Variants in ZNF407 observed in about 807,000 individuals in gnomAD.
The protein encoded by ZNF407 is zinc finger protein 407.
ZNF407 carries 17 observed loss-of-function variants against 131.2 expected under a neutral mutation model. The observed-to-expected ratio is 0.13, with a 90% CI of 0.09 to 0.19. The LOEUF is 0.19. ZNF407 is among the 10% of genes least tolerant of loss of function. The probability of loss-of-function intolerance (pLI) is 1.00; values close to 1 mark genes in which losing one functional copy is unlikely to be tolerated. For synonymous variants in ZNF407, 1,156 were observed against 1,062.0 expected (o/e 1.09, Z -1.72); for missense variants, 2,681 against 2,830.6 (o/e 0.95, Z 1.20).
rs768847467 is a variant in ZNF407 at position 74,635,671 on chromosome 18, C to T, written c.4652C>T (p.Ser1551Leu). ...GGGAAGATGTGTCGAAGCAGCAACT[C>T]GATGGCCTTCCTGGCACACATTCGC... The part of the protein sequence containing the change: ...YCGKMCRSSN[S>L]MAFLAHIRTH... Residue 1551 changes from serine to leucine, a missense_variant, in exon 2 of 9, where the codon TCG (serine) becomes TTG (leucine). Ser to Leu is a moderately radical substitution (Grantham distance 145, BLOSUM62 -2). Coordinates refer to ENST00000299687, the MANE Select transcript of ZNF407 (RefSeq NM_017757.3). This position sits in a 1 kb window ranked among gnomAD's most constrained non-coding sequence, Gnocchi z 4.7. 7 of 1,603,414 alleles carry T rather than the reference C, an allele frequency of 4.4e-6. No individual in the cohort carries two copies. The East Asian group carries it at 6.7e-5, about 15-fold the overall frequency.
intron 1 of ZNF407, among the ~76,000 whole-genome samples, chr18:74,627,336 C>T (rs1329680789): frequency 6.6e-6 from 1 of 152,160 alleles, no homozygotes; most frequent in East Asian, 1.9e-4. Flanking sequence ...TATCCAGCAT[C>T]TACAGGCAAG....
chr18:75,049,110 G>C (rs936108326), intron 8 of ZNF407, among the ~76,000 whole-genome samples: 1 of 146,278 alleles, frequency 6.8e-6, no homozygotes, highest in Non-Finnish European at 1.5e-5. Flanking sequence ...GGTGGGGGGG[G>C]GGTGGGGGAG....
At chr18:74,802,599 G>A (rs1970038613) in intron 4 of ZNF407, among the ~76,000 whole-genome samples, 1 of 152,126 alleles carries the variant, frequency 6.6e-6, no homozygotes, top group Admixed American at 6.5e-5. Flanking sequence ...TTTGCTTCAG[G>A]TCAGTTCGAA....
At position 75,063,739 on chromosome 18, in the gene ZNF407, T is replaced by C; in HGVS notation, c.6018T>C (p.Ala2006=). The part of the protein sequence containing the change: ...VTELGEVEGR[A]GLEEQGRPGA... ...AATTAGGGGAGGTGGAGGGCAGGGC[T>C]GGGCTCGAGGAGCAAGGCAGGCCCG... The change falls in exon 9 of 9, where the codon GCT becomes GCC. Residue 2006 remains alanine (A), a synonymous_variant. Coordinates refer to ENST00000299687, the MANE Select transcript of ZNF407 (RefSeq NM_017757.3). This position sits in a 1 kb window ranked among gnomAD's most constrained non-coding sequence, Gnocchi z 6.6. 1.9e-6 allele frequency: 3 copies of C among 1,612,210 alleles called. No homozygotes were observed. The highest frequency in any genetic ancestry group is 2.5e-6 in the Non-Finnish European group (3 of 1,179,758).
chr18:74,681,559 A>G (rs532227256), intron 3 of ZNF407, among the ~76,000 whole-genome samples: 1 of 152,246 alleles, frequency 6.6e-6, no homozygotes, highest in African/African-American at 2.4e-5. Flanking sequence ...AGATACATAC[A>G]TTCTGAACTT....
rs1379156524 is a variant in ZNF407, at chr18:74,916,207, T to C, written c.5250-4307T>C. On this transcript the variant is annotated intron_variant, in intron 7 of 8. Transcript: ENST00000299687. Reference sequence around the variant, plus strand: ...TTGGTTCGAATCGGGAGTGTGTGTGTGTATGTGTGTGTGTACATGTGTGTG... The same window carrying C: ...TTGGTTCGAATCGGGAGTGTGTGTGCGTATGTGTGTGTGTACATGTGTGTG... Among the ~76,000 whole-genome samples, 44 of 103,224 alleles carry C rather than the reference T, an allele frequency of 4.3e-4. No homozygotes were observed. The South Asian group carries it at 0.016, about 38-fold the overall frequency. 67.7% of individuals were successfully genotyped at this position (103,224 alleles called of 152,430 possible).
At chr18:74,602,056 A>T (rs1448167418) in intron 1 of ZNF407, among the ~76,000 whole-genome samples, 3 of 152,202 alleles carry the variant, frequency 2.0e-5, no homozygotes, top group African/African-American at 7.2e-5. Flanking sequence ...TTTTGTTCTT[A>T]TCAGTGTTGT....
At chr18:74,764,559 A>G (rs1332831699) in intron 3 of ZNF407, among the ~76,000 whole-genome samples, 1 of 152,242 alleles carries the variant, frequency 6.6e-6, no homozygotes, top group Non-Finnish European at 1.5e-5. Context: ...AAAAAGCAAT[A>G]CAATAGAACA....
In ZNF407 at chr18:75,058,332, A is replaced by G. The variant is rs140879952; in HGVS notation, c.5429-4818A>G. On this transcript the variant is annotated intron_variant, in intron 8 of 8. Transcript: ENST00000299687. The stretch of plus-strand genomic sequence containing the variant: ...ATTCCATCCAAGCTGTGAACTTTCA[A>G]TGCATTCGGCTCTGAGAAGGGAGTA... 1.0e-3 allele frequency among the ~76,000 whole-genome samples: 152 copies of G among 152,294 alleles called. No individual in the cohort carries two copies. In the Middle Eastern group the frequency reaches 0.01, roughly 10 times the overall value.
At chr18:74,758,389 T>C (rs1969012703) in intron 3 of ZNF407, among the ~76,000 whole-genome samples, 1 of 152,142 alleles carries the variant, frequency 6.6e-6, no homozygotes, top group African/African-American at 2.4e-5. Context: ...AACAATCTAG[T>C]TTTTACGAAT....
intron 3 of ZNF407, among the ~76,000 whole-genome samples, chr18:74,731,046 C>G (rs1365813040): frequency 6.6e-6 from 1 of 152,130 alleles, no homozygotes; most frequent in African/African-American, 2.4e-5. Flanking sequence ...ATGAGATATT[C>G]CATCTCTTAT....
chr18:74,634,827 A>G lies in ZNF407; in HGVS notation c.3808A>G (p.Ile1270Val). 1 of 1,613,968 alleles carries G rather than the reference A, an allele frequency of 6.2e-7. No individual in the cohort carries two copies. The highest frequency in any genetic ancestry group is 8.5e-7 in the Non-Finnish European group (1 of 1,179,872). ...AESPVLVVTRITREQGNLESG... is the reference protein window; with the variant it reads ...AESPVLVVTRVTREQGNLESG... ...AAGCCCTGTGCTCGTTGTGACAAGA[A>G]TAACCAGAGAACAGGGAAATCTGGA... is the stretch of plus-strand genomic sequence containing the variant. Residue 1270 changes from isoleucine (I) to valine (V), a missense_variant, in exon 2 of 9, where the codon ATA (isoleucine) becomes GTA (valine). Coordinates refer to ENST00000299687, the MANE Select transcript of ZNF407 (RefSeq NM_017757.3).
At chr18:74,808,017 AT>A (rs533637217) in intron 4 of ZNF407, among the ~76,000 whole-genome samples, 2,908 of 144,070 alleles carry the variant, frequency 0.02, 100 homozygotes, top group African/African-American at 0.065. Context: ...AGCACCTCAC[AT>A]TTTTTTTTTT....
rs797009751 is a variant in ZNF407, at chr18:74,819,479, AC to A, written c.4877+37981del. Among the ~76,000 whole-genome samples the A allele has an allele frequency of 5.3e-5, 8 of 152,156 alleles. 1 individual carries two copies. Among genetic ancestry groups the A allele is most frequent in the African/African-American group, 1.9e-4 (8 of 41,498 alleles). Reference sequence around the variant, plus strand: ...ACAAGCATACAAGGCCTACATGATCACCCCAATGTCTTCCTTGGGCACTGAA... The same window carrying A: ...ACAAGCATACAAGGCCTACATGATCACCCAATGTCTTCCTTGGGCACTGAA... On this transcript the variant is annotated intron_variant, in intron 4 of 8. Transcript: ENST00000299687.
In ZNF407 at chr18:74,920,558, G is replaced by A; in HGVS notation, c.5294G>A (p.Gly1765Asp). The change falls in exon 8 of 9, where the codon GGC (glycine) becomes GAC (aspartate). Residue 1765 changes from glycine to aspartate, a missense_variant. This residue lies in a region of ZNF407 where 39 missense variants were observed against 91.8 expected (regional missense o/e 0.42). Transcript: ENST00000299687. ...ENIRKHILHT[G>D]KHEGVKMYNC... is the part of the protein sequence containing the mutation. The stretch of plus-strand genomic sequence containing the variant: ...ATCCGCAAACACATTCTGCATACTG[G>A]CAAACATGAAGGAGTCAAGATGTAC... 6.3e-7 allele frequency: 1 copy of A among 1,595,664 alleles called. No individual in the cohort carries two copies. The highest frequency in any genetic ancestry group is 8.6e-7 in the Non-Finnish European group (1 of 1,165,152).
intron 4 of ZNF407, among the ~76,000 whole-genome samples, chr18:74,801,271 GTA>G (rs1418779397): frequency 6.6e-6 from 1 of 152,070 alleles, no homozygotes; most frequent in African/African-American, 2.4e-5. Context: ...CTTTGTCAAG[GTA>G]TATGAGATTA....
chr18:74,681,661 T>C (rs1966986135), intron 3 of ZNF407, among the ~76,000 whole-genome samples: 1 of 152,220 alleles, frequency 6.6e-6, no homozygotes, highest in Non-Finnish European at 1.5e-5. Flanking sequence ...ATGTATGGCA[T>C]ATGCTATTAT....
intron 4 of ZNF407, among the ~76,000 whole-genome samples, chr18:74,865,942 A>C (rs1266779940): frequency 6.6e-6 from 1 of 152,232 alleles, no homozygotes; most frequent in Non-Finnish European, 1.5e-5. Context: ...CATGTGTCAG[A>C]AACAGTGAAA....
At chr18:74,969,940 G>A (rs182410719) in intron 8 of ZNF407, among the ~76,000 whole-genome samples, 13 of 152,250 alleles carry the variant, frequency 8.5e-5, no homozygotes, top group East Asian at 3.9e-4. Context: ...AGGCATACCC[G>A]AGACTGGGAA....
Sources: gnomAD v4.1 joint callset for allele counts (sites outside exome capture counted in the v4.1 genomes callset) on GRCh38, gnomAD v4.1.1 for gene constraint, gnomAD v4.1.1 regional missense constraint, Gnocchi (gnomAD v3.1) non-coding constraint, MANE v1.5 for transcripts, NCBI Gene and HGNC (gene_info 2026-07-23, HGNC 2026-07-21) for gene names.